RHBDF2: variants seen among roughly 807,000 people sequenced by gnomAD.
RHBDF2 encodes rhomboid 5 homolog 2.
In RHBDF2, 38 loss-of-function variants were observed where a neutral mutation model predicts 95.2. The ratio of observed to expected loss-of-function variants is 0.40; its 90% CI spans 0.31 to 0.52. The LOEUF is 0.52. Among genes scored for constraint, RHBDF2 ranks in the 20% least tolerant of loss-of-function variants. The pLI is 0.56. For synonymous variants in RHBDF2, 442 were observed against 462.0 expected (o/e 0.96, Z 0.55); for missense variants, 863 against 1,137.7 (o/e 0.76, Z 3.47).
chr17:76,484,326 G>A (rs776621133), intron 2 of RHBDF2, among the ~76,000 whole-genome samples: 2 of 151,984 alleles, frequency 1.3e-5, no homozygotes, highest in Non-Finnish European at 2.9e-5. Flanking sequence ...ACATCCCAAG[G>A]TTCCTGGGCA....
Position 76,487,849 on chromosome 17 carries a change from T to G in RHBDF2, c.-159A>C, listed in dbSNP as rs1598694000. 1 of 152,232 alleles carries G rather than the reference T, an allele frequency of 6.6e-6. No individual in the cohort carries two copies. Among genetic ancestry groups the G allele is most frequent in the South Asian group, 2.1e-4 (1 of 4,836 alleles). The allele number at this position is 152,232 out of a possible 1,614,324, so 9.4% of individuals were successfully genotyped here. ...GTGGAAGGGTGGCTGGACAGACAGG[T>G]GGCTGGAAGGACAGATAGACAGCTC... is the stretch of plus-strand genomic sequence containing the variant. On this transcript the variant is annotated 5_prime_UTR_variant, in exon 2 of 19. Coordinates refer to ENST00000675367, the MANE Select transcript of RHBDF2 (RefSeq NM_001005498.4).
chr17:76,497,999 C>A (rs1305934712), intron 1 of RHBDF2, among the ~76,000 whole-genome samples: 4 of 152,212 alleles, frequency 2.6e-5, no homozygotes, highest in Non-Finnish European at 5.9e-5. Context: ...GCTTTTGGAC[C>A]ACAAACAACT....
Position 76,474,100 on chromosome 17 carries a change from G to A in RHBDF2, c.1507C>T (p.Pro503Ser), listed in dbSNP as rs1271144319. 1.2e-6 allele frequency: 2 copies of A among 1,604,752 alleles called. No homozygotes were observed. Among genetic ancestry groups the A allele is most frequent in the Admixed American group, 1.7e-5 (1 of 58,948 alleles). Residue 503 changes from proline (P) to serine (S), a missense_variant, in exon 13 of 19, where the codon CCC (proline) becomes TCC (serine). Pro to Ser is a moderately conservative substitution (Grantham distance 74). This residue lies in a region of RHBDF2 where 611 missense variants were observed against 725.5 expected (regional missense o/e 0.84). Transcript: ENST00000675367. Reference protein sequence around the residue: ...TFVKWQDDTGPPMDKSDLGQK... With the variant: ...TFVKWQDDTGSPMDKSDLGQK... ...CCCAGATCAGACTTGTCCATGGGGG[G>A]CCCAGTGTCATCCTGCCACTTGACA...
rs1208040116 is a variant in RHBDF2, at chr17:76,479,892, G to A, written c.151-38C>T. On this transcript the variant is annotated intron_variant, in intron 3 of 18. Transcript: ENST00000675367. ...GGAGGGAGGGCAGGCGGTGGTGTGTGCAGCCCAGGTCCTGGGCTGGCTTTT... is the reference window on the plus strand; with the variant it reads ...GGAGGGAGGGCAGGCGGTGGTGTGTACAGCCCAGGTCCTGGGCTGGCTTTT... The A allele has an allele frequency of 3.1e-6, 5 of 1,609,616 alleles. No individual in the cohort carries two copies. In the South Asian group the frequency reaches 5.5e-5, roughly 18 times the overall value.
intron 9 of RHBDF2, 80 bp from the exon 10 acceptor site, chr17:76,475,221 G>T: frequency 1.0e-6 from 1 of 1,000,614 alleles, no homozygotes; most frequent in Non-Finnish European, 1.5e-6. Context: ...ACCCTGGCCT[G>T]GTCACATGGC....
intron 18 of RHBDF2, chr17:76,472,394 G>GCTAAGTGT: frequency 3.5e-6 from 2 of 577,296 alleles, no homozygotes; most frequent in Admixed American, 3.0e-5. Context: ...ACGGCGCACG[G>GCTAAGTGT]AGGCCATTTC....
intron 7 of RHBDF2, among the ~76,000 whole-genome samples, 174 bp downstream of exon 7, chr17:76,477,483 A>G (rs1050059774): frequency 2.1e-5 from 3 of 143,698 alleles, no homozygotes; most frequent in Admixed American, 6.9e-5. Flanking sequence ...GCAGGTCTTC[A>G]CCCTACCCAA....
chr17:76,483,142 C>G (rs977589188), intron 2 of RHBDF2, among the ~76,000 whole-genome samples: 18 of 152,218 alleles, frequency 1.2e-4, no homozygotes, highest in African/African-American at 3.6e-4. Context: ...CTCCACCTCC[C>G]AGGTTCAAGC....
intron 1 of RHBDF2, among the ~76,000 whole-genome samples, chr17:76,498,675 A>C (rs955665163): frequency 6.6e-6 from 1 of 152,158 alleles, no homozygotes; most frequent in Admixed American, 6.5e-5. Flanking sequence ...AAACAGCACC[A>C]CTGACCCCAG....
At chr17:76,497,421 C>T (rs550225268) in intron 1 of RHBDF2, among the ~76,000 whole-genome samples, 132 of 152,330 alleles carry the variant, frequency 8.7e-4, no homozygotes, top group Non-Finnish European at 1.5e-3. Flanking sequence ...GCCAGCAAGG[C>T]ACTGAGGTCC....
chr17:76,473,196 C>T, intron 16 of RHBDF2, 56 bp downstream of exon 16: 6 of 1,592,404 alleles, frequency 3.8e-6, no homozygotes, highest in Non-Finnish European at 5.2e-6. Flanking sequence ...CCGGCCCCAG[C>T]AGGCTGCCAT....
chr17:76,480,512 G>C (rs1466458475), intron 3 of RHBDF2, among the ~76,000 whole-genome samples: 2 of 152,002 alleles, frequency 1.3e-5, no homozygotes, highest in African/African-American at 4.8e-5. Context: ...AGTGTCCTAA[G>C]TAGCTGGGAT....
At chr17:76,483,941 C>G (rs1045834447) in intron 2 of RHBDF2, among the ~76,000 whole-genome samples, 22 of 152,180 alleles carry the variant, frequency 1.4e-4, no homozygotes, top group African/African-American at 2.4e-4. Flanking sequence ...GTCTCTTGCT[C>G]TGCCCCATGA....
chr17:76,497,012 C>T (rs982380350), intron 1 of RHBDF2, among the ~76,000 whole-genome samples: 10 of 152,202 alleles, frequency 6.6e-5, no homozygotes, highest in Admixed American at 1.3e-4. Context: ...CTGCCTGCTT[C>T]AGCCTCCCAA....
intron 1 of RHBDF2, among the ~76,000 whole-genome samples, chr17:76,488,479 G>A (rs557261667): frequency 1.9e-3 from 272 of 146,902 alleles, no homozygotes; most frequent in Non-Finnish European, 3.3e-3. Flanking sequence ...CAGCCTGGGC[G>A]ACAGAGGGAG....
Position 76,471,986 on chromosome 17 carries a change from G to A in RHBDF2, c.2131C>T (p.Pro711Ser). ...CLFVELFQSW[P>S]LLERPWKAFL... Reference sequence around the variant, plus strand: ...GCCTTCCAGGGCCTCTCCAGCAGCGGCCAGCTCTGGAAGAGCTCCACGAAG... The same window carrying A: ...GCCTTCCAGGGCCTCTCCAGCAGCGACCAGCTCTGGAAGAGCTCCACGAAG... Residue 711 changes from proline to serine, a missense_variant, in exon 19 of 19, where the codon CCG becomes TCG. Coordinates refer to ENST00000675367, the MANE Select transcript of RHBDF2 (RefSeq NM_001005498.4). 1.3e-6 allele frequency: 2 copies of A among 1,574,938 alleles called. No individual in the cohort carries two copies. Among genetic ancestry groups the A allele is most frequent in the Non-Finnish European group, 8.6e-7 (1 of 1,160,036 alleles).
chr17:76,472,149 G>A, intron 18 of RHBDF2, 97 bp from the exon 19 acceptor site: 1 of 1,259,194 alleles, frequency 7.9e-7, no homozygotes, highest in Non-Finnish European at 1.1e-6. Context: ...CTCCTCCCTG[G>A]CAGGCATGGG....
chr17:76,472,991 GA>G lies in RHBDF2; in HGVS notation c.1910+13del. On this transcript the variant is annotated intron_variant, in intron 17 of 18. Coordinates refer to ENST00000675367, the MANE Select transcript of RHBDF2 (RefSeq NM_001005498.4). ...CACAGGGGTCGGGTTCGGGGGCAGTGAGGAGCCTCTTACCCAGCATGTAGGA... is the reference window on the plus strand; with the variant it reads ...CACAGGGGTCGGGTTCGGGGGCAGTGGGAGCCTCTTACCCAGCATGTAGGA... The G allele has an allele frequency of 6.2e-7, 1 of 1,611,596 alleles. No individual in the cohort carries two copies.
chr17:76,474,965 A>G, intron 10 of RHBDF2, 65 bp downstream of exon 10: 1 of 1,460,582 alleles, frequency 6.8e-7, no homozygotes, highest in Non-Finnish European at 9.4e-7. Context: ...GGGATTAGGT[A>G]CCCACGACAC....
Sources: allele counts gnomAD v4.1 joint callset (sites outside exome capture counted in the v4.1 genomes callset), GRCh38; gene constraint gnomAD v4.1.1; regional missense constraint gnomAD v4.1.1; transcripts MANE v1.5; gene names NCBI Gene and HGNC (gene_info 2026-07-23, HGNC 2026-07-21).